The following COPG2 variants were observed in gnomAD, a reference collection of about 807,000 sequenced individuals.
COPG2 encodes the protein coatomer subunit gamma-2.
COPG2 carries 37 observed loss-of-function variants against 46.3 expected under a neutral mutation model. The ratio of observed to expected loss-of-function variants is 0.80; its 90% CI spans 0.61 to 1.05. The LOEUF (loss-of-function observed/expected upper bound fraction) is 1.05. COPG2 is among the 50% of genes least tolerant of loss of function. COPG2 has a pLI of 0.00. For synonymous variants in COPG2, 159 were observed against 129.7 expected (o/e 1.23, Z -1.53); for missense variants, 427 against 387.8 (o/e 1.10, Z -0.85).
chr7:130,613,415 T>G (rs939265440), intron 7 of COPG2, 129 bp downstream of exon 7: 41 of 661,060 alleles, frequency 6.2e-5, no homozygotes, highest in Middle Eastern at 5.0e-4. Flanking sequence ...AAAACACACT[T>G]GGATAAAGTA....
At chr7:130,621,918 T>C (rs1031950483) in intron 5 of COPG2, among the ~76,000 whole-genome samples, 1 of 120,634 alleles carries the variant, frequency 8.3e-6, no homozygotes. Context: ...TACTCCACCC[T>C]GGGAGACAGA....
chr7:130,579,349 C>T (rs1449333527), intron 9 of COPG2, among the ~76,000 whole-genome samples: 1 of 148,178 alleles, frequency 6.7e-6, no homozygotes, highest in Admixed American at 6.7e-5. Flanking sequence ...CTGAAGGAAG[C>T]GCTAAACATG....
In COPG2 at chr7:130,554,613, A is replaced by G. The variant is rs1793589219; in HGVS notation, c.1336T>C (p.Cys446Arg). 3 of 398,538 alleles carry G rather than the reference A, an allele frequency of 7.5e-6. No homozygotes were observed. Among genetic ancestry groups the G allele is most frequent in the Non-Finnish European group, 1.3e-5 (3 of 226,100 alleles). 24.7% of individuals were successfully genotyped at this position (398,538 alleles called of 1,614,324 possible). A position where few individuals can be genotyped will look rare whatever the true frequency, so the allele number is the denominator to read the frequency against. ...TTAGTAGCCAGAACAGTGTGTTCAC[A>G]GTCCTCAATGAATTCACAAAGGTGG... is the stretch of plus-strand genomic sequence containing the variant. Reference protein sequence around the residue: ...LAHLCEFIEDCEHTVLATKIL... With the variant: ...LAHLCEFIEDREHTVLATKIL... The change falls in exon 14 of 24, where the codon TGT becomes CGT. Residue 446 changes from cysteine to arginine, a missense_variant. Coordinates refer to ENST00000425248, the MANE Select transcript of COPG2 (RefSeq NM_012133.6).
intron 5 of COPG2, among the ~76,000 whole-genome samples, chr7:130,650,466 C>CAAATAAAA (rs1795714411): frequency 6.6e-6 from 1 of 152,198 alleles, no homozygotes; most frequent in African/African-American, 2.4e-5. Context: ...AACTCTCAGT[C>CAAATAAAA]AACAACTAAT....
rs1056759019 is a variant in COPG2 at position 130,531,984 on chromosome 7, G to A, written c.2149+15690C>T. On this transcript the variant is annotated intron_variant, in intron 20 of 23. Coordinates refer to ENST00000425248, the MANE Select transcript of COPG2 (RefSeq NM_012133.6). ...AAAATGAACGCAGACAATAGCGAAAGAGAAAACCGAGCCCAAAAGATGCCT... is the reference window on the plus strand; with the variant it reads ...AAAATGAACGCAGACAATAGCGAAAAAGAAAACCGAGCCCAAAAGATGCCT... Among the ~76,000 whole-genome samples the A allele has an allele frequency of 8.5e-5, 13 of 152,318 alleles. No homozygotes were observed. In the East Asian group the frequency reaches 1.5e-3, roughly 18 times the overall value.
chr7:130,532,062 A>G (rs1418823405), intron 20 of COPG2, among the ~76,000 whole-genome samples: 2 of 152,218 alleles, frequency 1.3e-5, no homozygotes, highest in African/African-American at 2.4e-5. Flanking sequence ...ACTGGTGGAC[A>G]CGGGAGGATG....
chr7:130,633,287 A>G (rs1795265319), intron 5 of COPG2, among the ~76,000 whole-genome samples: 1 of 152,178 alleles, frequency 6.6e-6, no homozygotes, highest in East Asian at 1.9e-4. Flanking sequence ...CTCTAAAGGT[A>G]TTTCTGGTTC....
At chr7:130,590,313 C>A (rs1408510784) in intron 9 of COPG2, among the ~76,000 whole-genome samples, 5 of 151,938 alleles carry the variant, frequency 3.3e-5, no homozygotes, top group Admixed American at 2.6e-4. Flanking sequence ...CGAGCCGAAG[C>A]TGGACTGTGC....
At chr7:130,589,100 TAAAC>T (rs1229011574) in intron 9 of COPG2, among the ~76,000 whole-genome samples, 1 of 152,146 alleles carries the variant, frequency 6.6e-6, no homozygotes, top group African/African-American at 2.4e-5. Flanking sequence ...ATAATACAAC[TAAAC>T]ATTTTGTCCA....
chr7:130,641,859 T>G (rs1795496620), intron 5 of COPG2, among the ~76,000 whole-genome samples: 1 of 152,216 alleles, frequency 6.6e-6, no homozygotes, highest in Non-Finnish European at 1.5e-5. Flanking sequence ...AATCCACACA[T>G]TATCGGCACA....
chr7:130,576,474 G>A (rs1292371648), intron 9 of COPG2, among the ~76,000 whole-genome samples: 1 of 152,166 alleles, frequency 6.6e-6, no homozygotes, highest in Admixed American at 6.5e-5. Context: ...TAAGCATTGG[G>A]TCAACATGAA....
chr7:130,572,506 C>T (rs1793924208), intron 9 of COPG2, among the ~76,000 whole-genome samples: 1 of 152,186 alleles, frequency 6.6e-6, no homozygotes. Flanking sequence ...AGAAATCATA[C>T]AAAGTATGTT....
At chr7:130,529,480 G>T (rs1482428318) in intron 20 of COPG2, among the ~76,000 whole-genome samples, 1 of 152,154 alleles carries the variant, frequency 6.6e-6, no homozygotes, top group Non-Finnish European at 1.5e-5. Flanking sequence ...ATGAATTTGA[G>T]GGTCTCAACA....
chr7:130,612,626 C>G (rs997108501), intron 7 of COPG2, among the ~76,000 whole-genome samples: 4 of 152,158 alleles, frequency 2.6e-5, no homozygotes, highest in Non-Finnish European at 5.9e-5. Flanking sequence ...CAATTATATT[C>G]CAGAATCAGG....
chr7:130,649,035 T>C (rs571544892), intron 5 of COPG2, among the ~76,000 whole-genome samples: 3 of 152,194 alleles, frequency 2.0e-5, no homozygotes, highest in Non-Finnish European at 4.4e-5. Context: ...GTGGGTCTAC[T>C]GTATAAGTAC....
At chr7:130,542,803 T>A (rs1793359059) in intron 20 of COPG2, among the ~76,000 whole-genome samples, 2 of 152,050 alleles carry the variant, frequency 1.3e-5, no homozygotes, top group Non-Finnish European at 2.9e-5. Flanking sequence ...GATAACCTTA[T>A]GAATTTGTGC....
At chr7:130,551,456 A>G (rs2116387372) in intron 15 of COPG2, 112 bp from the exon 16 acceptor site, 1 of 393,122 alleles carries the variant, frequency 2.5e-6, no homozygotes, top group Non-Finnish European at 4.5e-6. Flanking sequence ...TACCTTTAAA[A>G]AAGTGCTCAA....
intron 20 of COPG2, among the ~76,000 whole-genome samples, chr7:130,536,902 T>C (rs1799885789): frequency 6.6e-6 from 1 of 151,736 alleles, no homozygotes; most frequent in South Asian, 2.1e-4. Context: ...AGGGGATCTG[T>C]TGTCACGGGG....
At chr7:130,516,540 T>C (rs1799679645) in intron 20 of COPG2, among the ~76,000 whole-genome samples, 2 of 151,658 alleles carry the variant, frequency 1.3e-5, no homozygotes. Flanking sequence ...TATGCAAAAA[T>C]CGCAAAGAAG....
Sources: gnomAD v4.1 joint callset for allele counts (sites outside exome capture counted in the v4.1 genomes callset) on GRCh38, gnomAD v4.1.1 for gene constraint, MANE v1.5 for transcripts, NCBI Gene and HGNC (gene_info 2026-07-23, HGNC 2026-07-21) for gene names.